IMMP2L: variants seen among roughly 807,000 people sequenced by gnomAD.
IMMP2L encodes the protein inner mitochondrial membrane peptidase subunit 2, also known as mitochondrial inner membrane protease subunit 2.
IMMP2L carries 18 observed loss-of-function variants against 19.3 expected under a neutral mutation model. That is an observed-to-expected ratio of 0.93 (90% CI 0.64 to 1.38). IMMP2L has a LOEUF of 1.38. Among genes scored for constraint, IMMP2L ranks in the 40% most tolerant of loss-of-function variants. IMMP2L has a pLI of 0.00. For missense variants in IMMP2L, 233 were observed against 218.2 expected (o/e 1.07, Z -0.43); for synonymous variants, 76 against 73.0 (o/e 1.04, Z -0.21).
At chr7:111,465,402 G>A (rs1840542067) in intron 3 of IMMP2L, among the ~76,000 whole-genome samples, 2 of 149,438 alleles carry the variant, frequency 1.3e-5, no homozygotes, top group African/African-American at 2.5e-5. Flanking sequence ...CCAAAGAAAT[G>A]GTCCTTAATA....
intron 3 of IMMP2L, among the ~76,000 whole-genome samples, chr7:111,097,830 T>C (rs919314703): frequency 1.3e-5 from 2 of 151,856 alleles, no homozygotes. Flanking sequence ...TGACCTTTAC[T>C]GAAATTTCAA....
intron 3 of IMMP2L, among the ~76,000 whole-genome samples, chr7:111,223,954 T>C (rs796481278): frequency 1.3e-5 from 2 of 152,108 alleles, no homozygotes; most frequent in African/African-American, 2.4e-5. Flanking sequence ...CTACATAGAC[T>C]AGGGAAAAAA....
intron 3 of IMMP2L, among the ~76,000 whole-genome samples, chr7:111,455,377 C>T (rs1320783573): frequency 6.6e-6 from 1 of 151,906 alleles, no homozygotes; most frequent in Non-Finnish European, 1.5e-5. Context: ...GAATAAAAGA[C>T]ATGATTTTAA....
chr7:111,310,517 T>C (rs1218204962), intron 3 of IMMP2L, among the ~76,000 whole-genome samples: 1 of 152,140 alleles, frequency 6.6e-6, no homozygotes, highest in African/African-American at 2.4e-5. Flanking sequence ...CAAATACATA[T>C]TGCTTTAAGC....
chr7:110,935,134 C>T (rs1243065769), intron 4 of IMMP2L, among the ~76,000 whole-genome samples: 1 of 152,046 alleles, frequency 6.6e-6, no homozygotes, highest in East Asian at 1.9e-4. Flanking sequence ...GTGGCTGGTA[C>T]TGGTTGTTCC....
At chr7:111,019,003 T>C (rs757878795) in intron 3 of IMMP2L, among the ~76,000 whole-genome samples, 2 of 152,068 alleles carry the variant, frequency 1.3e-5, no homozygotes, top group African/African-American at 2.4e-5. Context: ...GCTAGGGGTG[T>C]AGATAACTTC....
intron 3 of IMMP2L, among the ~76,000 whole-genome samples, chr7:111,002,617 G>A (rs1160476875): frequency 1.3e-5 from 2 of 151,932 alleles, no homozygotes; most frequent in Non-Finnish European, 2.9e-5. Context: ...GAGTAGTTTT[G>A]CTTTCATTTG....
At chr7:110,857,439 T>C (rs1232624149) in intron 5 of IMMP2L, among the ~76,000 whole-genome samples, 2 of 152,084 alleles carry the variant, frequency 1.3e-5, no homozygotes, top group East Asian at 3.9e-4. Context: ...TTCTATCTGA[T>C]TCCTAAGAAA....
chr7:111,471,731 G>A (rs998599459), intron 3 of IMMP2L, among the ~76,000 whole-genome samples: 8 of 151,876 alleles, frequency 5.3e-5, no homozygotes, highest in African/African-American at 1.5e-4. Flanking sequence ...TCTTTTGAAC[G>A]TCCCTGAACA....
Position 111,047,571 on chromosome 7 carries a change from T to C in IMMP2L, c.240-84006A>G, listed in dbSNP as rs1343053675. ...AGCAAACTGTAGAAGCCTTTTTCCT[T>C]AGTCTTAAAATAGATTCTATGACCC... On this transcript the variant is annotated intron_variant, in intron 3 of 5. Coordinates refer to ENST00000405709, the MANE Select transcript of IMMP2L (RefSeq NM_032549.4). Among the ~76,000 whole-genome samples the C allele has an allele frequency of 2.0e-5, 3 of 152,318 alleles. No homozygotes were observed. The East Asian group carries it at 5.8e-4, about 29-fold the overall frequency.
chr7:110,995,011 C>T (rs1421294226), intron 3 of IMMP2L, among the ~76,000 whole-genome samples: 4 of 152,046 alleles, frequency 2.6e-5, no homozygotes, highest in Non-Finnish European at 4.4e-5. Flanking sequence ...ACATTCAAGG[C>T]ACATTGAAAA....
intron 1 of IMMP2L, among the ~76,000 whole-genome samples, chr7:111,539,976 G>A (rs2132946728): frequency 6.6e-6 from 1 of 152,082 alleles, no homozygotes; most frequent in East Asian, 1.9e-4. Context: ...TATTTTTAAT[G>A]GCTTTATTTA....
At chr7:110,771,190 G>A (rs370000354) in intron 5 of IMMP2L, among the ~76,000 whole-genome samples, 37 of 152,226 alleles carry the variant, frequency 2.4e-4, no homozygotes, top group African/African-American at 8.4e-4. Flanking sequence ...TTGAGGGTGA[G>A]ACTAGGTCAG....
chr7:111,318,605 T>C (rs971437187), intron 3 of IMMP2L, among the ~76,000 whole-genome samples: 7 of 152,052 alleles, frequency 4.6e-5, no homozygotes, highest in East Asian at 1.9e-4. Context: ...AAATGAGAAA[T>C]TGATTTTCTA....
In IMMP2L at chr7:110,963,545, T is replaced by C. The variant is rs866566923; in HGVS notation, c.260A>G (p.Gln87Arg). 1.2e-6 allele frequency: 2 copies of C among 1,601,300 alleles called. No individual in the cohort carries two copies. Among genetic ancestry groups the C allele is most frequent in the Non-Finnish European group, 8.5e-7 (1 of 1,170,164 alleles). Residue 87 changes from glutamine (Q) to arginine (R), a missense_variant, in exon 4 of 6, where the codon CAG becomes CGG. Transcript: ENST00000405709. ...AGCAATCACTCTCTTAATGATCTTC[T>C]GTTCTGGGTTTTTAGGAGACCTAGA... ...VSLVSPKNPE[Q>R]KIIKRVIALE...
chr7:111,362,594 A>C (rs531917070), intron 3 of IMMP2L, among the ~76,000 whole-genome samples: 5 of 152,116 alleles, frequency 3.3e-5, no homozygotes, highest in African/African-American at 4.8e-5. Context: ...TAGCTTATTA[A>C]AAATATTTGA....
chr7:110,912,340 C>T (rs1813143956), intron 4 of IMMP2L, among the ~76,000 whole-genome samples: 1 of 152,002 alleles, frequency 6.6e-6, no homozygotes, highest in Admixed American at 6.6e-5. Context: ...AATGTAAACA[C>T]AATGTAAGTG....
At chr7:110,945,287 A>G (rs187256984) in intron 4 of IMMP2L, among the ~76,000 whole-genome samples, 1 of 152,118 alleles carries the variant, frequency 6.6e-6, no homozygotes, top group African/African-American at 2.4e-5. Flanking sequence ...TTTTTAAAAA[A>G]GCATTCTTGT....
intron 1 of IMMP2L, among the ~76,000 whole-genome samples, chr7:111,558,778 G>A (rs546064511): frequency 1.3e-5 from 2 of 152,182 alleles, no homozygotes; most frequent in African/African-American, 2.4e-5. Flanking sequence ...CTTTAGGAAA[G>A]TAAGTACTAG....
Sources: gnomAD v4.1 joint callset for allele counts (sites outside exome capture counted in the v4.1 genomes callset) on GRCh38, gnomAD v4.1.1 for gene constraint, MANE v1.5 for transcripts, NCBI Gene and HGNC (gene_info 2026-07-23, HGNC 2026-07-21) for gene names.